The following MOB3B variants were observed in gnomAD, a reference collection of about 807,000 sequenced individuals.
The protein encoded by MOB3B is MOB kinase activator-like 2B.
MOB3B carries 7 observed loss-of-function variants against 18.7 expected under a neutral mutation model. The ratio of observed to expected loss-of-function variants is 0.37; its 90% CI spans 0.21 to 0.70. MOB3B has a LOEUF of 0.70. Ranked by LOEUF, MOB3B falls within the 30% of genes least tolerant of loss-of-function variation. MOB3B has a pLI of 0.52. For synonymous variants in MOB3B, 111 were observed against 99.9 expected (o/e 1.11, Z -0.66); for missense variants, 253 against 281.3 (o/e 0.90, Z 0.72).
At chr9:27,439,109 C>G (rs1036286269) in intron 2 of MOB3B, among the ~76,000 whole-genome samples, 1 of 152,060 alleles carries the variant, frequency 6.6e-6, no homozygotes, top group African/African-American at 2.4e-5. Context: ...ACGCAAAGTC[C>G]CATGCATTAT....
chr9:27,372,875 C>G (rs146012433), intron 2 of MOB3B, among the ~76,000 whole-genome samples: 236 of 152,230 alleles, frequency 1.6e-3, no homozygotes, highest in South Asian at 0.012. Flanking sequence ...CAGTAGTGTT[C>G]ATGTGTTAGT....
chr9:27,523,757 A>G (rs1226730147), intron 1 of MOB3B, among the ~76,000 whole-genome samples: 2 of 152,226 alleles, frequency 1.3e-5, no homozygotes, highest in Non-Finnish European at 2.9e-5. Context: ...GAAAATATCC[A>G]AATATAGAAG....
chr9:27,511,315 G>A (rs1048171348), intron 1 of MOB3B, among the ~76,000 whole-genome samples: 3 of 152,064 alleles, frequency 2.0e-5, no homozygotes, highest in Admixed American at 6.6e-5. Context: ...CTTTAGTTCG[G>A]TGTGAACTTT....
intron 2 of MOB3B, among the ~76,000 whole-genome samples, chr9:27,405,883 A>C (rs1195554173): frequency 6.6e-6 from 1 of 152,240 alleles, no homozygotes; most frequent in Non-Finnish European, 1.5e-5. Flanking sequence ...ACATTGATTC[A>C]TGATAAAAAC....
chr9:27,406,707 C>G (rs952433207), intron 2 of MOB3B, among the ~76,000 whole-genome samples: 1 of 152,220 alleles, frequency 6.6e-6, no homozygotes, highest in African/African-American at 2.4e-5. Context: ...AACTAGATCT[C>G]TCTCTCTTTT....
At chr9:27,507,827 C>G (rs1820082445) in intron 1 of MOB3B, among the ~76,000 whole-genome samples, 1 of 152,200 alleles carries the variant, frequency 6.6e-6, no homozygotes, top group African/African-American at 2.4e-5. Flanking sequence ...GTTCTACAGA[C>G]TGTTTAAAAA....
intron 2 of MOB3B, among the ~76,000 whole-genome samples, chr9:27,416,231 C>A (rs1443621798): frequency 6.6e-6 from 1 of 151,570 alleles, no homozygotes; most frequent in Non-Finnish European, 1.5e-5. Flanking sequence ...TCTCGTAGGA[C>A]CTCATACCTT....
At chr9:27,415,972 A>G (rs191893847) in intron 2 of MOB3B, among the ~76,000 whole-genome samples, 3 of 152,262 alleles carry the variant, frequency 2.0e-5, no homozygotes, top group Admixed American at 1.3e-4. Context: ...ACATGCTTTC[A>G]CCCCTGGATT....
At chr9:27,359,780 T>A (rs1821247206) in intron 2 of MOB3B, among the ~76,000 whole-genome samples, 1 of 152,176 alleles carries the variant, frequency 6.6e-6, no homozygotes, top group South Asian at 2.1e-4. Flanking sequence ...GTCTTGTTTT[T>A]CATAACACAG....
intron 2 of MOB3B, among the ~76,000 whole-genome samples, chr9:27,379,455 C>G (rs1430720157): frequency 6.6e-6 from 1 of 152,160 alleles, no homozygotes; most frequent in Non-Finnish European, 1.5e-5. Context: ...CATTACCTCA[C>G]TGAGTCCTCA....
At chr9:27,370,148 T>C (rs1748943653) in intron 2 of MOB3B, among the ~76,000 whole-genome samples, 1 of 151,670 alleles carries the variant, frequency 6.6e-6, no homozygotes, top group East Asian at 1.9e-4. Flanking sequence ...TACTAGGAGG[T>C]GGGGCCTTTG....
At chr9:27,415,268 G>A (rs1822127316) in intron 2 of MOB3B, among the ~76,000 whole-genome samples, 3 of 152,138 alleles carry the variant, frequency 2.0e-5, no homozygotes, top group South Asian at 4.1e-4. Context: ...TCAAACATAG[G>A]TTAAAAGTGA....
chr9:27,348,959 G>A (rs13290656), intron 3 of MOB3B, among the ~76,000 whole-genome samples: 1 of 152,144 alleles, frequency 6.6e-6, no homozygotes, highest in African/African-American at 2.4e-5. Flanking sequence ...GAAGCCAAAG[G>A]AGTTGTACAT....
intron 1 of MOB3B, among the ~76,000 whole-genome samples, chr9:27,468,959 G>C (rs1453135829): frequency 6.6e-6 from 1 of 152,156 alleles, no homozygotes; most frequent in African/African-American, 2.4e-5. Context: ...AGCTCCTTTG[G>C]AAGCATGCCC....
intron 1 of MOB3B, chr9:27,524,831 T>G: frequency 6.2e-7 from 1 of 1,614,092 alleles, no homozygotes. Context: ...TGAGGAGATA[T>G]TTCCACAGGA....
At chr9:27,363,015 C>A (rs1056799285) in intron 2 of MOB3B, among the ~76,000 whole-genome samples, 1 of 152,164 alleles carries the variant, frequency 6.6e-6, no homozygotes, top group Admixed American at 6.5e-5. Context: ...AACCTCATGG[C>A]AGCAAGATAG....
intron 2 of MOB3B, among the ~76,000 whole-genome samples, chr9:27,387,957 C>T (rs561053500): frequency 4.6e-5 from 7 of 152,276 alleles, no homozygotes; most frequent in African/African-American, 1.7e-4. Context: ...CCACAGGCAA[C>T]ATTTGGCAAT....
intron 3 of MOB3B, chr9:27,358,786 A>G: frequency 1.4e-6 from 1 of 701,930 alleles, no homozygotes; most frequent in South Asian, 1.4e-5. Context: ...ACTCCCTCTG[A>G]TCCAAACTAT....
chr9:27,382,807 G>T (rs966065889), intron 2 of MOB3B, among the ~76,000 whole-genome samples: 2 of 151,976 alleles, frequency 1.3e-5, no homozygotes, highest in African/African-American at 4.8e-5. Flanking sequence ...TGAGGGGTAT[G>T]AAACTGCCAG....
Sources: allele counts gnomAD v4.1 joint callset (sites outside exome capture counted in the v4.1 genomes callset), GRCh38; gene constraint gnomAD v4.1.1; transcripts MANE v1.5; gene names NCBI Gene and HGNC (gene_info 2026-07-23, HGNC 2026-07-21).